The following RIPK2 variants were observed in gnomAD, a reference collection of about 807,000 sequenced individuals.
RIPK2 encodes the protein receptor-interacting serine/threonine-protein kinase 2.
RIPK2 carries 38 observed loss-of-function variants against 60.9 expected under a neutral mutation model. That is an observed-to-expected ratio of 0.62 (90% CI 0.48 to 0.82). The LOEUF (loss-of-function observed/expected upper bound fraction) is 0.82, where lower values mean the gene tolerates loss of function less well. Among genes scored for constraint, RIPK2 ranks in the 40% least tolerant of loss-of-function variants. The probability of loss-of-function intolerance (pLI) is 0.00; values close to 1 mark genes in which losing one functional copy is unlikely to be tolerated. For synonymous variants in RIPK2, 225 were observed against 223.4 expected (o/e 1.01, Z -0.06); for missense variants, 518 against 647.0 (o/e 0.80, Z 2.16).
At chr8:89,770,529 A>G (rs895242981) in intron 4 of RIPK2, among the ~76,000 whole-genome samples, 1 of 151,884 alleles carries the variant, frequency 6.6e-6, no homozygotes, top group Non-Finnish European at 1.5e-5. Context: ...ATGATTATTT[A>G]CACAGGTTTA....
intron 6 of RIPK2, among the ~76,000 whole-genome samples, chr8:89,773,740 G>C (rs191064647): frequency 6.6e-6 from 1 of 152,264 alleles, no homozygotes. Context: ...ACAGAATTAA[G>C]ATAGTATTTC....
intron 1 of RIPK2, 101 bp from the exon 2 acceptor site, chr8:89,762,728 C>T: frequency 3.6e-6 from 2 of 548,896 alleles, no homozygotes; most frequent in Non-Finnish European, 5.9e-6. Flanking sequence ...TACATGAGGT[C>T]ACATAGCTAA....
chr8:89,773,305 G>A (rs1274767951), intron 6 of RIPK2, among the ~76,000 whole-genome samples: 2 of 152,142 alleles, frequency 1.3e-5, no homozygotes, highest in African/African-American at 4.8e-5. Flanking sequence ...CATTTGAGCT[G>A]ACATTTGAAG....
At chr8:89,782,911 A>G (rs1223664194) in intron 7 of RIPK2, among the ~76,000 whole-genome samples, 3 of 152,222 alleles carry the variant, frequency 2.0e-5, no homozygotes, top group Admixed American at 6.5e-5. Context: ...AGGATATTGC[A>G]TTATCAGAAA....
chr8:89,789,327 C>T lies in RIPK2; in HGVS notation c.1130C>T (p.Ala377Val), dbSNP rs1447172803. 6.2e-7 allele frequency: 1 copy of T among 1,613,446 alleles called. No homozygotes were observed. Among genetic ancestry groups the T allele is most frequent in the Non-Finnish European group, 8.5e-7 (1 of 1,179,658 alleles). Residue 377 changes from alanine (A) to valine (V), a missense_variant, in exon 10 of 11, where the codon GCT (alanine) becomes GTT (valine). By Grantham distance (64) the Ala-to-Val change is moderately conservative (BLOSUM62 0). Coordinates refer to ENST00000220751, the MANE Select transcript of RIPK2 (RefSeq NM_003821.6). ...AAGATGTTGTATTTTGTAGGAAAAG[C>T]TCAAGACTGTTATTTTATGAAGCTG... is the stretch of plus-strand genomic sequence containing the variant. ...PQDNDFLSRKAQDCYFMKLHH... is the reference protein window; with the variant it reads ...PQDNDFLSRKVQDCYFMKLHH...
intron 10 of RIPK2, among the ~76,000 whole-genome samples, 175 bp from the exon 11 acceptor site, chr8:89,789,904 C>T (rs2130594202): frequency 6.6e-6 from 1 of 152,140 alleles, no homozygotes; most frequent in South Asian, 2.1e-4. Context: ...GGAGATAACC[C>T]AAATCTCTGA....
chr8:89,789,736 T>A (rs920708911), intron 10 of RIPK2, among the ~76,000 whole-genome samples: 5 of 152,210 alleles, frequency 3.3e-5, no homozygotes, highest in Admixed American at 3.3e-4. Context: ...TTATTTTTGT[T>A]TATTTAAAAA....
At chr8:89,763,617 C>A (rs1368723158) in intron 2 of RIPK2, among the ~76,000 whole-genome samples, 1 of 152,024 alleles carries the variant, frequency 6.6e-6, no homozygotes, top group African/African-American at 2.4e-5. Context: ...CTACTTGGTC[C>A]ATTTTTTGAG....
At chr8:89,772,059 C>T (rs1809322788) in intron 5 of RIPK2, among the ~76,000 whole-genome samples, 1 of 151,992 alleles carries the variant, frequency 6.6e-6, no homozygotes, top group South Asian at 2.1e-4. Flanking sequence ...GTAATTAGCT[C>T]TGTGATCAAG....
chr8:89,786,764 G>T lies in RIPK2; in HGVS notation c.1123+78G>T. On this transcript the variant is annotated intron_variant, in intron 9 of 10. Transcript: ENST00000220751. ...AGATCAAATTTTTGCAAGCAGTCAT[G>T]ATTTCTATGGAACTTTAATTTGCAT... is the stretch of plus-strand genomic sequence containing the variant. The T allele has an allele frequency of 3.7e-6, 3 of 821,338 alleles. No homozygotes were observed. The South Asian group carries it at 4.5e-5, about 12-fold the overall frequency. 50.9% of individuals were successfully genotyped at this position (821,338 alleles called of 1,614,324 possible).
At chr8:89,761,134 A>G (rs10504882) in intron 1 of RIPK2, among the ~76,000 whole-genome samples, 8,827 of 152,230 alleles carry the variant, frequency 0.058, 780 homozygotes, top group African/African-American at 0.19. Flanking sequence ...TAAATGACGA[A>G]GATTCTTTTG....
chr8:89,769,364 C>T (rs1809277658), intron 3 of RIPK2, among the ~76,000 whole-genome samples: 1 of 151,694 alleles, frequency 6.6e-6, no homozygotes, highest in African/African-American at 2.4e-5. Context: ...AAACAATGAC[C>T]AGTGACAATT....
chr8:89,764,769 AAATT>A (rs1318891560), intron 2 of RIPK2, among the ~76,000 whole-genome samples: 1 of 152,160 alleles, frequency 6.6e-6, no homozygotes, highest in Non-Finnish European at 1.5e-5. Context: ...GAATGCAGAT[AAATT>A]AATTATATGA....
chr8:89,773,626 G>A (rs1329757030), intron 6 of RIPK2, among the ~76,000 whole-genome samples: 1 of 152,160 alleles, frequency 6.6e-6, no homozygotes, highest in African/African-American at 2.4e-5. Context: ...TTACTGCTGT[G>A]TGGAAAGTTG....
At chr8:89,759,733 T>TG (rs927055014) in intron 1 of RIPK2, among the ~76,000 whole-genome samples, 5 of 152,124 alleles carry the variant, frequency 3.3e-5, no homozygotes, top group Non-Finnish European at 7.3e-5. Flanking sequence ...TTAAGGGTGG[T>TG]GGTTGGTTAG....
intron 10 of RIPK2, 47 bp downstream of exon 10, chr8:89,789,529 A>G (rs1228287974): frequency 1.9e-6 from 3 of 1,553,868 alleles, no homozygotes. Context: ...CATTGACCTT[A>G]CATATCTGTG....
Position 89,780,145 on chromosome 8 carries a change from G to T in RIPK2, c.924G>T (p.Gln308His), listed in dbSNP as rs780429108. 1 of 1,553,702 alleles carries T rather than the reference G, an allele frequency of 6.4e-7. No individual in the cohort carries two copies. The highest frequency in any genetic ancestry group is 2.3e-5 in the East Asian group (1 of 44,200). Residue 308 changes from glutamine (Q) to histidine (H), a missense_variant, in exon 7 of 11, where the codon CAG (glutamine) becomes CAT (histidine). Transcript: ENST00000220751. ...EEITFLEAVI[Q>H]LKKTKLQSVS... ...TAACTTTTCTTGAAGCTGTTATTCA[G>T]CTAAAGAAAACAAAGGTAAGTTGCT...
At chr8:89,770,561 AT>A (rs1450967915) in intron 4 of RIPK2, among the ~76,000 whole-genome samples, 1 of 151,878 alleles carries the variant, frequency 6.6e-6, no homozygotes, top group Non-Finnish European at 1.5e-5. Context: ...CATTCACCTC[AT>A]GTATAAGTTA....
chr8:89,763,019 T>C (rs193255548), intron 2 of RIPK2, 37 bp downstream of exon 2: 18 of 1,260,888 alleles, frequency 1.4e-5, no homozygotes, highest in African/African-American at 4.6e-5. Flanking sequence ...ATAATTGCCA[T>C]TTTTACTATT....
Sources: gnomAD v4.1 joint callset for allele counts (sites outside exome capture counted in the v4.1 genomes callset) on GRCh38, gnomAD v4.1.1 for gene constraint, MANE v1.5 for transcripts, NCBI Gene and HGNC (gene_info 2026-07-23, HGNC 2026-07-21) for gene names.